Variants in PCCA observed in about 807,000 individuals in gnomAD.
PCCA encodes the protein propionyl-CoA carboxylase subunit alpha.
A neutral mutation model predicts 101.3 loss-of-function variants in PCCA; 74 were observed. That is an observed-to-expected ratio of 0.73 (90% CI 0.61 to 0.89). The LOEUF is 0.89. Ranked by LOEUF, PCCA falls within the 40% of genes least tolerant of loss-of-function variation. The probability of loss-of-function intolerance (pLI) is 0.00; values close to 1 mark genes in which losing one functional copy is unlikely to be tolerated. For missense variants in PCCA, 891 were observed against 907.0 expected (o/e 0.98, Z 0.23); for synonymous variants, 294 against 313.6 (o/e 0.94, Z 0.66).
rs548998616 is a variant in PCCA at position 100,447,311 on chromosome 13, G to A, written c.1846-1941G>A. 2.0e-3 allele frequency among the ~76,000 whole-genome samples: 307 copies of A among 152,246 alleles called. 2 individuals carry two copies. The highest frequency in any genetic ancestry group is 2.4e-3 in the Non-Finnish European group (161 of 68,032). ...AGGCCGGAGAATCGCTTGAACCCAG[G>A]AGGCAGAGGTTGCAGTGAGCCGAGA... On this transcript the variant is annotated intron_variant, in intron 20 of 23. Transcript: ENST00000376285.
intron 4 of PCCA, among the ~76,000 whole-genome samples, chr13:100,124,044 T>A (rs2152308719): frequency 6.6e-6 from 1 of 152,300 alleles, no homozygotes; most frequent in South Asian, 2.1e-4. Context: ...AATTTAAGAT[T>A]GTTGTACTTC....
intron 12 of PCCA, among the ~76,000 whole-genome samples, chr13:100,300,532 A>G (rs2065984281): frequency 6.6e-6 from 1 of 152,234 alleles, no homozygotes; most frequent in Non-Finnish European, 1.5e-5. Context: ...TGTGAAGTGC[A>G]TTTAGAAGAT....
chr13:100,342,912 G>T (rs1441447797), intron 18 of PCCA, among the ~76,000 whole-genome samples: 1 of 151,712 alleles, frequency 6.6e-6, no homozygotes, highest in African/African-American at 2.4e-5. Context: ...TGTAAAGATG[G>T]GGTTTCACCA....
At chr13:100,342,713 CTT>C (rs3058594) in intron 18 of PCCA, among the ~76,000 whole-genome samples, 104,976 of 148,824 alleles carry the variant, frequency 0.71, 37,343 homozygotes, top group Middle Eastern at 0.8. Flanking sequence ...TTTTGGTAAA[CTT>C]TTTTTTTTTC....
intron 9 of PCCA, among the ~76,000 whole-genome samples, chr13:100,258,692 A>T (rs2062242000): frequency 6.6e-6 from 1 of 152,082 alleles, no homozygotes; most frequent in African/African-American, 2.4e-5. Context: ...GCTGCTGTTG[A>T]TTTATAAATT....
chr13:100,341,973 A>ATATATATATATATATATATG (rs1257478273), intron 18 of PCCA, among the ~76,000 whole-genome samples: 8,858 of 120,954 alleles, frequency 0.073, 595 homozygotes, highest in Non-Finnish European at 0.099. Flanking sequence ...ATATATATAT[A>ATATATATATATATATATATG]TATATATATG....
At chr13:100,280,131 G>A (rs2063977028) in intron 12 of PCCA, among the ~76,000 whole-genome samples, 1 of 151,630 alleles carries the variant, frequency 6.6e-6, no homozygotes, top group African/African-American at 2.4e-5. Context: ...AAGTCACCGC[G>A]TTTGGTGCAT....
chr13:100,394,795 T>G lies in PCCA; in HGVS notation c.1746+26221T>G, dbSNP rs1036910510. ...AATATGTCCTACTACTAATATTTTT[T>G]AAATTATCCCTAAACCTTCACATTT... On this transcript the variant is annotated intron_variant, in intron 19 of 23. Transcript: ENST00000376285. This position sits in a 1 kb window ranked among gnomAD's most constrained non-coding sequence, Gnocchi z 4.3. Among the ~76,000 whole-genome samples, 1 of 152,236 alleles carries G rather than the reference T, an allele frequency of 6.6e-6. No homozygotes were observed. Among genetic ancestry groups the G allele is most frequent in the Non-Finnish European group, 1.5e-5 (1 of 68,038 alleles).
chr13:100,374,939 G>C (rs1016836638), intron 19 of PCCA, among the ~76,000 whole-genome samples: 4 of 152,082 alleles, frequency 2.6e-5, no homozygotes, highest in African/African-American at 9.7e-5. Flanking sequence ...TGCTTCTCTA[G>C]TTCTTTTAAT....
intron 21 of PCCA, among the ~76,000 whole-genome samples, chr13:100,497,270 C>A (rs555707719): frequency 1.3e-5 from 2 of 152,200 alleles, no homozygotes; most frequent in Non-Finnish European, 2.9e-5. Context: ...ACTTCTTTTT[C>A]TTTCACTTTT....
intron 20 of PCCA, among the ~76,000 whole-genome samples, chr13:100,446,331 C>G (rs1279015571): frequency 6.6e-6 from 1 of 151,344 alleles, no homozygotes; most frequent in South Asian, 2.1e-4. Flanking sequence ...CACCCTGCCC[C>G]TGTTTGTTTT....
chr13:100,097,111 A>C (rs915139887), intron 1 of PCCA, among the ~76,000 whole-genome samples: 3 of 152,210 alleles, frequency 2.0e-5, no homozygotes, highest in Non-Finnish European at 2.9e-5. Flanking sequence ...AAACAGGGAA[A>C]GGAAGGAATT....
At chr13:100,129,363 C>A (rs2050266939) in intron 4 of PCCA, among the ~76,000 whole-genome samples, 1 of 152,106 alleles carries the variant, frequency 6.6e-6, no homozygotes, top group Admixed American at 6.5e-5. Flanking sequence ...TGTTTGATAG[C>A]GAATGCTTTC....
chr13:100,415,592 G>A (rs956709944), intron 19 of PCCA, among the ~76,000 whole-genome samples: 1 of 152,192 alleles, frequency 6.6e-6, no homozygotes, highest in Non-Finnish European at 1.5e-5. Context: ...AGAAGTAGAA[G>A]CAAGATATAT....
chr13:100,229,269 T>A (rs185483565), intron 7 of PCCA, among the ~76,000 whole-genome samples: 1 of 152,332 alleles, frequency 6.6e-6, no homozygotes, highest in East Asian at 1.9e-4. Context: ...TTTCACTGAG[T>A]GCACCTTGTT....
chr13:100,158,783 C>T (rs929525585), intron 6 of PCCA, among the ~76,000 whole-genome samples: 1 of 152,062 alleles, frequency 6.6e-6, no homozygotes. Context: ...CACAGCCATG[C>T]TCTTTCATTT....
In PCCA at chr13:100,111,840, G is replaced by A. The variant is rs879253807; in HGVS notation, c.184-1G>A. On this transcript the variant is annotated splice_acceptor_variant, in intron 2 of 23. Transcript: ENST00000376285. LOFTEE classifies it high-confidence loss of function. ...AATGAATGTGTTTTTTCTCTCTTCA[G>A]ACTTTTGATAAAATTCTTGTTGCTA... 2 of 1,604,576 alleles carry A rather than the reference G, an allele frequency of 1.2e-6. No homozygotes were observed. The highest frequency in any genetic ancestry group is 2.2e-5 in the East Asian group (1 of 44,714).
chr13:100,145,078 T>C (rs2052360642), intron 4 of PCCA, among the ~76,000 whole-genome samples: 1 of 152,228 alleles, frequency 6.6e-6, no homozygotes, highest in Non-Finnish European at 1.5e-5. Context: ...TTAAAAAGAC[T>C]GAGGTGGATC....
intron 12 of PCCA, among the ~76,000 whole-genome samples, chr13:100,297,833 G>T (rs1373429968): frequency 6.6e-6 from 1 of 152,130 alleles, no homozygotes; most frequent in African/African-American, 2.4e-5. Flanking sequence ...AAGATTCATG[G>T]TGAGCTAGGG....
Sources: gnomAD v4.1 joint callset for allele counts (sites outside exome capture counted in the v4.1 genomes callset) on GRCh38, gnomAD v4.1.1 for gene constraint, Gnocchi (gnomAD v3.1) non-coding constraint, MANE v1.5 for transcripts, NCBI Gene and HGNC (gene_info 2026-07-23, HGNC 2026-07-21) for gene names.